The following IFT88 variants were observed in gnomAD, a reference collection of about 807,000 sequenced individuals.
IFT88 encodes intraflagellar transport protein 88 homolog.
In IFT88, 74 loss-of-function variants were observed where a neutral mutation model predicts 119.5. That is an observed-to-expected ratio of 0.62 (90% CI 0.51 to 0.75). The LOEUF is 0.75. Among genes scored for constraint, IFT88 ranks in the 30% least tolerant of loss-of-function variants. IFT88 has a pLI of 0.00. For missense variants in IFT88, 961 were observed against 977.7 expected, an observed-to-expected ratio of 0.98 and a Z score of 0.23; for synonymous variants, 279 against 316.7, an observed-to-expected ratio of 0.88 and a Z score of 1.26.
chr13:20,574,187 T>G (rs1246335411), intron 1 of IFT88, among the ~76,000 whole-genome samples, 193 bp from the exon 2 acceptor site: 1 of 151,850 alleles, frequency 6.6e-6, no homozygotes, highest in Non-Finnish European at 1.5e-5. Context: ...CTTAGTTGGG[T>G]GTGGTGGCAC....
At chr13:20,665,711 A>G (rs2054565565) in intron 23 of IFT88, among the ~76,000 whole-genome samples, 1 of 152,226 alleles carries the variant, frequency 6.6e-6, no homozygotes, top group Non-Finnish European at 1.5e-5. Flanking sequence ...CTCAGAAAAC[A>G]TTGATTATGA....
chr13:20,580,966 C>T (rs921782590), intron 2 of IFT88, among the ~76,000 whole-genome samples: 4 of 152,004 alleles, frequency 2.6e-5, no homozygotes, highest in African/African-American at 9.7e-5. Context: ...ACTTCATGAT[C>T]CGCCCACCTC....
intron 15 of IFT88, among the ~76,000 whole-genome samples, 194 bp downstream of exon 15, chr13:20,626,043 C>CTTTCTTTTTT (rs2047249498): frequency 1.0e-4 from 4 of 39,576 alleles, no homozygotes; most frequent in Admixed American, 4.8e-4. Flanking sequence ...TTTGTCGTTT[C>CTTTCTTTTTT]TTTTTTTTTT....
chr13:20,670,851 A>G, intron 23 of IFT88, 122 bp from the exon 24 acceptor site: 1 of 576,196 alleles, frequency 1.7e-6, no homozygotes. Flanking sequence ...ATCAACTCTC[A>G]GGTATGATGG....
chr13:20,678,087 TAAAG>T (rs2056896575), intron 24 of IFT88, among the ~76,000 whole-genome samples: 2 of 152,290 alleles, frequency 1.3e-5, no homozygotes, highest in African/African-American at 4.8e-5. Context: ...TTGATAGCCT[TAAAG>T]AAAGCAGTCT....
At chr13:20,569,888 TAAAAAA>T (rs1469498383) in intron 1 of IFT88, among the ~76,000 whole-genome samples, 1 of 150,104 alleles carries the variant, frequency 6.7e-6, no homozygotes, top group South Asian at 2.1e-4. Context: ...AAAATAAAAA[TAAAAAA>T]ATTAGCCGGG....
At chr13:20,569,198 C>T (rs1194018162) in intron 1 of IFT88, among the ~76,000 whole-genome samples, 1 of 152,088 alleles carries the variant, frequency 6.6e-6, no homozygotes, top group Non-Finnish European at 1.5e-5. Flanking sequence ...ATATTCTTGA[C>T]CTTAGATTAG....
chr13:20,652,469 T>TAA (rs142730474), intron 20 of IFT88, among the ~76,000 whole-genome samples: 1 of 150,664 alleles, frequency 6.6e-6, no homozygotes, highest in African/African-American at 2.4e-5. Flanking sequence ...AAACTCTCTT[T>TAA]AAAAAAAAAT....
At chr13:20,580,797 C>T (rs561757941) in intron 2 of IFT88, among the ~76,000 whole-genome samples, 1 of 147,710 alleles carries the variant, frequency 6.8e-6, no homozygotes, top group East Asian at 2.0e-4. Flanking sequence ...GCGACCTCTG[C>T]TCATTGTAAG....
chr13:20,623,576 G>A (rs566008609), intron 14 of IFT88, among the ~76,000 whole-genome samples: 4 of 152,224 alleles, frequency 2.6e-5, no homozygotes, highest in South Asian at 2.1e-4. Flanking sequence ...CCGGGTTCAC[G>A]CCATTCTCCT....
rs1225473074 is a variant in IFT88, at chr13:20,671,037, G to C, written c.2240G>C (p.Gly747Ala). 1 of 1,613,442 alleles carries C rather than the reference G, an allele frequency of 6.2e-7. No homozygotes were observed. Among genetic ancestry groups the C allele is most frequent in the Non-Finnish European group, 8.5e-7 (1 of 1,179,618 alleles). The change falls in exon 24 of 26, where the codon GGT becomes GCT. Residue 747 changes from glycine to alanine, a missense_variant and splice_region_variant. Gly to Ala is a moderately conservative substitution (Grantham distance 60). Coordinates refer to ENST00000351808, the MANE Select transcript of IFT88 (RefSeq NM_006531.5). ...SRGKREGSAS[G>A]DSGQNYSASS... ...GGCAAAAGAGAAGGAAGTGCTAGCG[G>C]TGGTAAGTATTTTCTCTTTCCCTGA...
At chr13:20,582,513 C>G (rs975828182) in intron 2 of IFT88, among the ~76,000 whole-genome samples, 1 of 151,790 alleles carries the variant, frequency 6.6e-6, no homozygotes, top group African/African-American at 2.4e-5. Context: ...GAGAGTGCCC[C>G]CTGCTTGTAG....
At chr13:20,622,814 ACTT>A (rs750803836) in intron 14 of IFT88, among the ~76,000 whole-genome samples, 2 of 152,026 alleles carry the variant, frequency 1.3e-5, no homozygotes, top group Non-Finnish European at 2.9e-5. Flanking sequence ...TGAGGCAAAA[ACTT>A]CTTAAATTTT....
At chr13:20,619,675 T>G (rs181989554) in intron 14 of IFT88, among the ~76,000 whole-genome samples, 1 of 152,164 alleles carries the variant, frequency 6.6e-6, no homozygotes, top group Admixed American at 6.6e-5. Flanking sequence ...CTCCTATCAA[T>G]ATTATGGTAC....
At position 20,689,622 on chromosome 13, in the gene IFT88, TTA is replaced by T. The variant is rs1453339930; in HGVS notation, c.2243-1081_2243-1080del. Among the ~76,000 whole-genome samples, 9 of 152,360 alleles carry T rather than the reference TTA, an allele frequency of 5.9e-5. No individual in the cohort carries two copies. In the East Asian group the frequency reaches 1.7e-3, roughly 29 times the overall value. On this transcript the variant is annotated intron_variant, in intron 24 of 25. Coordinates refer to ENST00000351808, the MANE Select transcript of IFT88 (RefSeq NM_006531.5). ...TGGACCACTCCCTGCCAACTTTGTT[TTA>T]TGTTTCTCACCCAAACTTTTCTTCT...
chr13:20,575,429 T>A (rs1448556900), intron 2 of IFT88, among the ~76,000 whole-genome samples: 3 of 152,200 alleles, frequency 2.0e-5, no homozygotes, highest in Admixed American at 2.0e-4. Flanking sequence ...AGTGCAGATA[T>A]CTTTTTGATA....
At chr13:20,680,888 A>G (rs1344677431) in intron 24 of IFT88, among the ~76,000 whole-genome samples, 1 of 152,188 alleles carries the variant, frequency 6.6e-6, no homozygotes, top group Non-Finnish European at 1.5e-5. Context: ...CCACCAAACC[A>G]GTTGTTCCGC....
intron 12 of IFT88, 52 bp from the exon 13 acceptor site, chr13:20,604,983 C>A: frequency 1.1e-6 from 1 of 912,938 alleles, no homozygotes; most frequent in Non-Finnish European, 1.8e-6. Context: ...AAATTAAGTT[C>A]TTGCTGTTTA....
intron 24 of IFT88, among the ~76,000 whole-genome samples, chr13:20,687,976 T>G (rs115768816): frequency 3.1e-3 from 466 of 152,240 alleles, no homozygotes; most frequent in African/African-American, 0.011. Context: ...AGAGGTCGGA[T>G]CAAAGAATCC....
Sources: allele counts gnomAD v4.1 joint callset (sites outside exome capture counted in the v4.1 genomes callset), GRCh38; gene constraint gnomAD v4.1.1; transcripts MANE v1.5; gene names NCBI Gene and HGNC (gene_info 2026-07-23, HGNC 2026-07-21).